The following SLC22A6 variants were observed in gnomAD, a reference collection of about 807,000 sequenced individuals.
The protein encoded by SLC22A6 is PAH transporter.
In SLC22A6, 45 loss-of-function variants were observed where a neutral mutation model predicts 56.7. The observed-to-expected ratio is 0.79, with a 90% CI of 0.63 to 1.02. The LOEUF (loss-of-function observed/expected upper bound fraction) is 1.02. Among genes scored for constraint, SLC22A6 ranks in the 50% least tolerant of loss-of-function variants. SLC22A6 has a pLI of 0.00. For synonymous variants in SLC22A6, 291 were observed against 295.9 expected, an observed-to-expected ratio of 0.98 and a Z score of 0.17; for missense variants, 606 against 713.8, an observed-to-expected ratio of 0.85 and a Z score of 1.72.
chr11:62,980,857 T>G, intron 6 of SLC22A6, 128 bp downstream of exon 6: 1 of 704,894 alleles, frequency 1.4e-6, no homozygotes, highest in African/African-American at 1.8e-5. Context: ...ATCCCTAGTG[T>G]GGGGTTACTG....
chr11:62,976,743 C>T lies in SLC22A6; in HGVS notation c.*51G>A. ...TCCTCCTTGTGTGGGTGGCCGGAGA[C>T]CTGTAGGACCTTCCCTCCCTTTAGG... On this transcript the variant is annotated 3_prime_UTR_variant, in exon 10 of 10. Transcript: ENST00000360421. 1.3e-6 allele frequency: 2 copies of T among 1,491,876 alleles called. No homozygotes were observed. Among genetic ancestry groups the T allele is most frequent in the Non-Finnish European group, 1.8e-6 (2 of 1,084,990 alleles). 92.4% of individuals were successfully genotyped at this position (1,491,876 alleles called of 1,614,324 possible). A position where few individuals can be genotyped will look rare whatever the true frequency, so the allele number is the denominator to read the frequency against.
intron 8 of SLC22A6, among the ~76,000 whole-genome samples, 179 bp from the exon 9 acceptor site, chr11:62,977,566 G>A (rs190731076): frequency 6.6e-6 from 1 of 152,134 alleles, no homozygotes; most frequent in Non-Finnish European, 1.5e-5. Flanking sequence ...TAGAGATAGG[G>A]TCTCTGTGTT....
Position 62,983,408 on chromosome 11 carries a change from C to T in SLC22A6, c.628+129G>A, listed in dbSNP as rs914786625. 9.8e-5 allele frequency: 91 copies of T among 926,214 alleles called. No homozygotes were observed. The African/African-American group carries it at 1.3e-3, about 13-fold the overall frequency. 57.4% of individuals were successfully genotyped at this position (926,214 alleles called of 1,614,324 possible). On this transcript the variant is annotated intron_variant, in intron 3 of 9. Transcript: ENST00000360421. This position sits in a 1 kb window ranked among gnomAD's most constrained non-coding sequence, Gnocchi z 4.5. The stretch of plus-strand genomic sequence containing the variant: ...GCCTGAGAAAAGGTTGTTCTATTGG[C>T]AGGAAGGTGAGACCCGAGAGAGGCT...
At chr11:62,977,119 A>G (rs371426476) in intron 9 of SLC22A6, 65 bp downstream of exon 9, 14 of 1,612,472 alleles carry the variant, frequency 8.7e-6, no homozygotes, top group African/African-American at 8.0e-5. Flanking sequence ...TTGAGTCTCA[A>G]TACCACCCCA....
At position 62,981,825 on chromosome 11, in the gene SLC22A6, C is replaced by T. The variant is rs1253308867; in HGVS notation, c.797+17G>A. 2 of 1,597,622 alleles carry T rather than the reference C, an allele frequency of 1.3e-6. No individual in the cohort carries two copies. Among genetic ancestry groups the T allele is most frequent in the Non-Finnish European group, 1.7e-6 (2 of 1,172,588 alleles). ...GGGCTCCTGTGGCAACCACCTCCAA[C>T]CCTAGGCCCCACGCACCAGGAGTAG... is the stretch of plus-strand genomic sequence containing the variant. On this transcript the variant is annotated intron_variant, in intron 4 of 9. Transcript: ENST00000360421.
chr11:62,980,648 A>G (rs1448382845), intron 6 of SLC22A6, among the ~76,000 whole-genome samples: 3 of 152,268 alleles, frequency 2.0e-5, no homozygotes, highest in African/African-American at 4.8e-5. Flanking sequence ...CCATCAGGCC[A>G]GTAAAATCTA....
At chr11:62,977,828 T>C (rs1252379228) in intron 8 of SLC22A6, among the ~76,000 whole-genome samples, 1 of 152,232 alleles carries the variant, frequency 6.6e-6, no homozygotes, top group African/African-American at 2.4e-5. Context: ...CCTGGAGGAA[T>C]TGTGTTATAG....
In SLC22A6 at chr11:62,981,894, G is replaced by A; in HGVS notation, c.745C>T (p.His249Tyr). Residue 249 changes from histidine to tyrosine, a missense_variant, in exon 4 of 10, where the codon CAC becomes TAC. By Grantham distance (83) the His-to-Tyr change is moderately conservative. Coordinates refer to ENST00000360421, the MANE Select transcript of SLC22A6 (RefSeq NM_153276.3). ...GGCGCAGAGACCAGTAGCTGCAGGTGGCGCCAGTGGGGCACAGCGTAGGCC... is the reference window on the plus strand; with the variant it reads ...GGCGCAGAGACCAGTAGCTGCAGGTAGCGCCAGTGGGGCACAGCGTAGGCC... The part of the protein sequence containing the change: ...GVAYAVPHWR[H>Y]LQLLVSAPFF... The A allele has an allele frequency of 2.5e-6, 4 of 1,614,018 alleles. No individual in the cohort carries two copies. Among genetic ancestry groups the A allele is most frequent in the Non-Finnish European group, 3.4e-6 (4 of 1,179,960 alleles).
chr11:62,982,516 T>C (rs2086267646), intron 3 of SLC22A6, among the ~76,000 whole-genome samples: 1 of 152,210 alleles, frequency 6.6e-6, no homozygotes. Flanking sequence ...GACAGGGACT[T>C]GGATACTTAG....
chr11:62,980,550 A>G (rs1407882468), intron 6 of SLC22A6, among the ~76,000 whole-genome samples: 1 of 152,252 alleles, frequency 6.6e-6, no homozygotes, highest in Non-Finnish European at 1.5e-5. Context: ...GCAAAGGGAA[A>G]GGAAGATTTT....
chr11:62,977,271 A>G lies in SLC22A6; in HGVS notation c.1478T>C (p.Val493Ala). The G allele has an allele frequency of 6.2e-7, 1 of 1,614,162 alleles. No individual in the cohort carries two copies. Reference protein sequence around the residue: ...PSMPLFIYGAVPVAASAVTVL... With the variant: ...PSMPLFIYGAAPVAASAVTVL... ...AGTGACAGCGCTGGCGGCCACAGGA[A>G]CAGCACCGTAGATGAAGAGAGGCAT... Residue 493 changes from valine (V) to alanine (A), a missense_variant, in exon 9 of 10, where the codon GTT becomes GCT. Physicochemically the swap from Val to Ala is moderately conservative, Grantham distance 64. Coordinates refer to ENST00000360421, the MANE Select transcript of SLC22A6 (RefSeq NM_153276.3).
intron 6 of SLC22A6, 52 bp from the exon 7 acceptor site, chr11:62,980,000 G>A: frequency 7.3e-7 from 1 of 1,366,844 alleles, no homozygotes; most frequent in Non-Finnish European, 1.0e-6. Context: ...CTTAAAGTGG[G>A]GTGCTCTTTC....
rs372405179 is a variant in SLC22A6 at position 62,979,612 on chromosome 11, G to T, written c.1253-16C>A. On this transcript the variant is annotated splice_polypyrimidine_tract_variant and intron_variant, in intron 7 of 9. Coordinates refer to ENST00000360421, the MANE Select transcript of SLC22A6 (RefSeq NM_153276.3). ...ATGGACTGGTCTAGAGAGAAAGAAG[G>T]GGGGATAGCAGGAGCTTGGGAGTGG... 35 of 1,607,788 alleles carry T rather than the reference G, an allele frequency of 2.2e-5. No individual in the cohort carries two copies. Among genetic ancestry groups the T allele is most frequent in the Non-Finnish European group, 2.6e-5 (30 of 1,174,240 alleles).
intron 8 of SLC22A6, 139 bp from the exon 9 acceptor site, chr11:62,977,526 A>C (rs1590672346): frequency 9.5e-7 from 1 of 1,052,120 alleles, no homozygotes; most frequent in East Asian, 2.6e-5. Flanking sequence ...TTTGATTAGC[A>C]AACCAATTTG....
rs745870959 is a variant in SLC22A6 at position 62,981,837 on chromosome 11, C to T, written c.797+5G>A. 9 of 1,605,108 alleles carry T rather than the reference C, an allele frequency of 5.6e-6. No individual in the cohort carries two copies. The highest frequency in any genetic ancestry group is 2.2e-5 in the East Asian group (1 of 44,710). ...CAACCACCTCCAACCCTAGGCCCCA[C>T]GCACCAGGAGTAGATGAAGAAGGCA... On this transcript the variant is annotated splice_donor_5th_base_variant and intron_variant, in intron 4 of 9. Transcript: ENST00000360421.
At chr11:62,980,006 C>G in intron 6 of SLC22A6, 58 bp from the exon 7 acceptor site, 1 of 1,269,558 alleles carries the variant, frequency 7.9e-7, no homozygotes, top group South Asian at 1.2e-5. Context: ...GTGGGGTGCT[C>G]TTTCAAAACA....
chr11:62,979,110 T>A (rs1394574870), intron 8 of SLC22A6, among the ~76,000 whole-genome samples: 2 of 152,382 alleles, frequency 1.3e-5, no homozygotes, highest in East Asian at 3.9e-4. Flanking sequence ...GTTTGTGGCC[T>A]TTGCTTTCAG....
chr11:62,983,984 C>A lies in SLC22A6; in HGVS notation c.433G>T (p.Val145Leu), dbSNP rs2086286526. The A allele has an allele frequency of 1.2e-6, 2 of 1,613,798 alleles. No individual in the cohort carries two copies. The highest frequency in any genetic ancestry group is 1.7e-6 in the Non-Finnish European group (2 of 1,179,794). Reference sequence around the variant, plus strand: ...CCGAACACCATGGCTCCGAGCAGCACCCCCACCATGTACAAGGACTGGGCC... The same window carrying A: ...CCGAACACCATGGCTCCGAGCAGCAACCCCACCATGTACAAGGACTGGGCC... ...QLAQSLYMVG[V>L]LLGAMVFGYL... Residue 145 changes from valine to leucine, a missense_variant, in exon 2 of 10, where the codon GTG becomes TTG. Val to Leu is a conservative substitution (Grantham distance 32). Transcript: ENST00000360421. This position sits in a 1 kb window ranked among gnomAD's most constrained non-coding sequence, Gnocchi z 4.5.
At position 62,984,948 on chromosome 11, in the gene SLC22A6, C is replaced by T. The variant is rs2086304331; in HGVS notation, c.-258G>A. 1 of 504,024 alleles carries T rather than the reference C, an allele frequency of 2.0e-6. No homozygotes were observed. The highest frequency in any genetic ancestry group is 5.3e-4 in the Middle Eastern group (1 of 1,870). The allele number at this position is 504,024 out of a possible 1,614,324, so 31.2% of individuals were successfully genotyped here. A position where few individuals can be genotyped will look rare whatever the true frequency, so the allele number is the denominator to read the frequency against. On this transcript the variant is annotated 5_prime_UTR_variant, in exon 1 of 10. Transcript: ENST00000360421. ...CTCCTCACTTTGGGGGTCAGGGCAGCTCAGCTTTCAGGGTCTGCTGGAGAC... is the reference window on the plus strand; with the variant it reads ...CTCCTCACTTTGGGGGTCAGGGCAGTTCAGCTTTCAGGGTCTGCTGGAGAC...
Sources: gnomAD v4.1 joint callset for allele counts (sites outside exome capture counted in the v4.1 genomes callset) on GRCh38, gnomAD v4.1.1 for gene constraint, Gnocchi (gnomAD v3.1) non-coding constraint, MANE v1.5 for transcripts, NCBI Gene and HGNC (gene_info 2026-07-23, HGNC 2026-07-21) for gene names.